The following ITFG1 variants were observed in gnomAD, a reference collection of about 807,000 sequenced individuals.
ITFG1 encodes the protein integrin alpha FG-GAP repeat containing 1, also known as T-cell immunomodulatory protein.
A neutral mutation model predicts 81.8 loss-of-function variants in ITFG1; 34 were observed. The observed-to-expected ratio is 0.42, with a 90% CI of 0.32 to 0.55. The LOEUF is 0.55. Among genes scored for constraint, ITFG1 ranks in the 20% least tolerant of loss-of-function variants. The pLI is 0.17. For missense variants in ITFG1, 672 were observed against 755.4 expected (o/e 0.89, Z 1.29); for synonymous variants, 285 against 270.6 (o/e 1.05, Z -0.52).
intron 12 of ITFG1, among the ~76,000 whole-genome samples, chr16:47,238,831 T>C (rs1340265449): frequency 1.3e-5 from 2 of 152,240 alleles, no homozygotes; most frequent in Non-Finnish European, 2.9e-5. Flanking sequence ...TACATGACTA[T>C]GGAATGACAA....
chr16:47,267,621 A>C (rs1966292445), intron 10 of ITFG1, among the ~76,000 whole-genome samples: 2 of 152,188 alleles, frequency 1.3e-5, no homozygotes, highest in South Asian at 4.1e-4. Context: ...TTTTGACGTA[A>C]CATGAAATAT....
chr16:47,258,783 C>A (rs1257330763), intron 11 of ITFG1, 43 bp from the exon 12 acceptor site: 1 of 848,642 alleles, frequency 1.2e-6, no homozygotes, highest in Non-Finnish European at 1.8e-6. Flanking sequence ...AACTATTAGA[C>A]CAACTAAAAA....
intron 16 of ITFG1, chr16:47,161,512 A>G: frequency 3.0e-6 from 1 of 334,956 alleles, no homozygotes; most frequent in South Asian, 7.2e-5. Context: ...GAATACATAT[A>G]AATCCCTAAT....
At chr16:47,360,283 G>A (rs983170015) in intron 8 of ITFG1, among the ~76,000 whole-genome samples, 1 of 152,072 alleles carries the variant, frequency 6.6e-6, no homozygotes, top group African/African-American at 2.4e-5. Flanking sequence ...GTATTTACTT[G>A]ATAATTTCTG....
chr16:47,246,326 C>G (rs1057122157), intron 12 of ITFG1, among the ~76,000 whole-genome samples: 2 of 151,938 alleles, frequency 1.3e-5, no homozygotes, highest in Non-Finnish European at 2.9e-5. Context: ...ACAATAAAGT[C>G]AAACTAGGTA....
rs547048842 is a variant in ITFG1, at chr16:47,347,355, G to A, written c.802+18433C>T. Among the ~76,000 whole-genome samples the A allele has an allele frequency of 2.8e-4, 43 of 152,334 alleles. No individual in the cohort carries two copies. The South Asian group carries it at 3.9e-3, about 14-fold the overall frequency. ...CGGGTCACTCCCACCCTAATACCGC[G>A]CTTTTCCAATGGTCTTAGCAAATGG... On this transcript the variant is annotated intron_variant, in intron 8 of 17. Coordinates refer to ENST00000320640, the MANE Select transcript of ITFG1 (RefSeq NM_030790.5).
At chr16:47,273,273 G>A (rs1009813438) in intron 10 of ITFG1, among the ~76,000 whole-genome samples, 1 of 151,668 alleles carries the variant, frequency 6.6e-6, no homozygotes, top group Non-Finnish European at 1.5e-5. Context: ...TAAACCTTAG[G>A]AAAGCCAGTT....
chr16:47,287,816 T>A (rs1966876026), intron 10 of ITFG1, among the ~76,000 whole-genome samples: 1 of 152,268 alleles, frequency 6.6e-6, no homozygotes, highest in Admixed American at 6.5e-5. Flanking sequence ...TGTGCCTTTT[T>A]ATCCTATGCA....
chr16:47,390,437 G>C (rs1968515679), intron 6 of ITFG1, among the ~76,000 whole-genome samples: 1 of 152,080 alleles, frequency 6.6e-6, no homozygotes, highest in Admixed American at 6.6e-5. Flanking sequence ...AATAAAACCA[G>C]ATATAATAAT....
At chr16:47,285,627 C>T (rs1256027310) in intron 10 of ITFG1, among the ~76,000 whole-genome samples, 1 of 152,138 alleles carries the variant, frequency 6.6e-6, no homozygotes, top group African/African-American at 2.4e-5. Flanking sequence ...AATTAGAGGA[C>T]ACCCAGCTGG....
At chr16:47,216,689 T>C (rs1439087059) in intron 14 of ITFG1, among the ~76,000 whole-genome samples, 1 of 152,046 alleles carries the variant, frequency 6.6e-6, no homozygotes, top group Admixed American at 6.5e-5. Flanking sequence ...TTTGAGACAG[T>C]CTTACTCCTT....
intron 2 of ITFG1, among the ~76,000 whole-genome samples, chr16:47,457,460 TGTTA>T (rs1412494426): frequency 6.6e-6 from 1 of 152,212 alleles, no homozygotes. Flanking sequence ...AGATAAATTA[TGTTA>T]GTTAAAAAAC....
At chr16:47,179,759 T>C (rs1213797608) in intron 14 of ITFG1, among the ~76,000 whole-genome samples, 2 of 152,212 alleles carry the variant, frequency 1.3e-5, no homozygotes, top group Non-Finnish European at 2.9e-5. Flanking sequence ...GAAAGAAAGA[T>C]CTTAAATTAC....
At chr16:47,452,290 T>G (rs1181841559) in intron 4 of ITFG1, among the ~76,000 whole-genome samples, 4 of 152,180 alleles carry the variant, frequency 2.6e-5, no homozygotes. Flanking sequence ...ATCAATTATT[T>G]AAATCAATTA....
chr16:47,201,262 G>A (rs1965421915), intron 14 of ITFG1, among the ~76,000 whole-genome samples: 1 of 148,788 alleles, frequency 6.7e-6, no homozygotes, highest in African/African-American at 2.5e-5. Flanking sequence ...AGGCTGGAGT[G>A]CAGTGGTGAG....
At chr16:47,416,791 T>G (rs1173580148) in intron 6 of ITFG1, among the ~76,000 whole-genome samples, 1 of 152,154 alleles carries the variant, frequency 6.6e-6, no homozygotes, top group Non-Finnish European at 1.5e-5. Flanking sequence ...ATAAACCCCT[T>G]CTTTGTAAAT....
intron 12 of ITFG1, among the ~76,000 whole-genome samples, chr16:47,249,321 A>G (rs1476093702): frequency 6.6e-6 from 1 of 152,150 alleles, no homozygotes; most frequent in Admixed American, 6.5e-5. Context: ...TGGGAGGCTG[A>G]GGCAGGAGAA....
chr16:47,460,193 G>GA (rs1309297053), intron 1 of ITFG1, among the ~76,000 whole-genome samples: 4 of 152,246 alleles, frequency 2.6e-5, no homozygotes, highest in African/African-American at 9.6e-5. Context: ...GCTCAAGAGA[G>GA]AAATTTCTGT....
chr16:47,186,502 A>T (rs1596794328), intron 14 of ITFG1, among the ~76,000 whole-genome samples: 1 of 152,236 alleles, frequency 6.6e-6, no homozygotes, highest in East Asian at 1.9e-4. Context: ...AGAACCAAAG[A>T]CAAAAACCAC....
Sources: gnomAD v4.1 joint callset for allele counts (sites outside exome capture counted in the v4.1 genomes callset) on GRCh38, gnomAD v4.1.1 for gene constraint, MANE v1.5 for transcripts, NCBI Gene and HGNC (gene_info 2026-07-23, HGNC 2026-07-21) for gene names.